Variants in STAG1 observed in about 807,000 individuals in gnomAD.
STAG1 encodes cohesin subunit SA-1.
Under a neutral mutation model 170.9 loss-of-function variants are expected in STAG1, and 26 were observed. The observed-to-expected ratio is 0.15, with a 90% CI of 0.11 to 0.21. STAG1 has a LOEUF of 0.21. Among genes scored for constraint, STAG1 ranks in the 10% least tolerant of loss-of-function variants. The probability of loss-of-function intolerance (pLI) is 1.00; values close to 1 mark genes in which losing one functional copy is unlikely to be tolerated. For missense variants in STAG1, 964 were observed against 1,509.5 expected, an observed-to-expected ratio of 0.64 and a Z score of 5.99; for synonymous variants, 514 against 497.7, an observed-to-expected ratio of 1.03 and a Z score of -0.44.
At chr3:136,555,198 A>C (rs944524135) in intron 5 of STAG1, among the ~76,000 whole-genome samples, 14 of 150,960 alleles carry the variant, frequency 9.3e-5, no homozygotes, top group Non-Finnish European at 2.1e-4. Context: ...TCCTAGAAAA[A>C]TCTGGTTTAT....
intron 20 of STAG1, among the ~76,000 whole-genome samples, chr3:136,420,819 G>C (rs1434550168): frequency 6.6e-6 from 1 of 152,202 alleles, no homozygotes; most frequent in African/African-American, 2.4e-5. Context: ...CTGTTGCCCA[G>C]GCTAGAGTGC....
chr3:136,750,551 A>C lies in STAG1; in HGVS notation c.-84+1644T>G, dbSNP rs530598963. Among the ~76,000 whole-genome samples, 73 of 152,350 alleles carry C rather than the reference A, an allele frequency of 4.8e-4. 1 individual carries two copies. The South Asian group carries it at 0.015, about 30-fold the overall frequency. On this transcript the variant is annotated intron_variant, in intron 1 of 33. Coordinates refer to ENST00000383202, the MANE Select transcript of STAG1 (RefSeq NM_005862.3). Reference sequence around the variant, plus strand: ...TTTTGCATCTATTTAAATATTCCTTAGCCTTATCAGAACATCGAAACTGAA... The same window carrying C: ...TTTTGCATCTATTTAAATATTCCTTCGCCTTATCAGAACATCGAAACTGAA...
At chr3:136,700,191 A>T (rs1321821274) in intron 1 of STAG1, among the ~76,000 whole-genome samples, 1 of 146,578 alleles carries the variant, frequency 6.8e-6, no homozygotes, top group Non-Finnish European at 1.5e-5. Flanking sequence ...TTCTCTATCT[A>T]GGATGCTTTG....
intron 22 of STAG1, among the ~76,000 whole-genome samples, chr3:136,382,403 T>TTC (rs1183344444): frequency 2.1e-5 from 3 of 145,828 alleles, no homozygotes; most frequent in Admixed American, 6.9e-5. Context: ...AAGGCTTTCT[T>TTC]TTTTTTTTTT....
At chr3:136,615,052 A>G (rs1939515469) in intron 3 of STAG1, among the ~76,000 whole-genome samples, 1 of 152,314 alleles carries the variant, frequency 6.6e-6, no homozygotes, top group East Asian at 1.9e-4. Flanking sequence ...GAGAAACATT[A>G]TTTTTAGTAC....
chr3:136,470,910 A>T (rs886719304), intron 12 of STAG1, among the ~76,000 whole-genome samples: 3 of 148,636 alleles, frequency 2.0e-5, no homozygotes, highest in Admixed American at 6.8e-5. Flanking sequence ...GCATGTTCTC[A>T]CTCATAGGTG....
At position 136,340,038 on chromosome 3, in the gene STAG1, G is replaced by T. The variant is rs189480002; in HGVS notation, c.3672+453C>A. Among the ~76,000 whole-genome samples, 21 of 152,292 alleles carry T rather than the reference G, an allele frequency of 1.4e-4. No homozygotes were observed. The East Asian group carries it at 1.9e-3, about 14-fold the overall frequency. ...TATTATCAGAATTTAAAATATGACTGCTTTGAAAGGAGGCTTGAAGAACAC... is the reference window on the plus strand; with the variant it reads ...TATTATCAGAATTTAAAATATGACTTCTTTGAAAGGAGGCTTGAAGAACAC... On this transcript the variant is annotated intron_variant, in intron 32 of 33. Coordinates refer to ENST00000383202, the MANE Select transcript of STAG1 (RefSeq NM_005862.3).
intron 15 of STAG1, among the ~76,000 whole-genome samples, chr3:136,442,654 T>C (rs773957044): frequency 4.8e-5 from 7 of 144,446 alleles, no homozygotes; most frequent in Non-Finnish European, 9.1e-5. Context: ...TTTTCAAAGT[T>C]CACATATAAA....
intron 1 of STAG1, among the ~76,000 whole-genome samples, chr3:136,678,844 T>C (rs540310842): frequency 9.9e-6 from 1 of 101,358 alleles, no homozygotes; most frequent in Non-Finnish European, 1.9e-5. Flanking sequence ...AAGACCCCCA[T>C]GCTCACAAAA....
intron 1 of STAG1, among the ~76,000 whole-genome samples, chr3:136,690,056 C>CAAAAAAAAAAAAAAAAAAAAAAATAAAAA (rs57082567): frequency 1.8e-5 from 1 of 56,408 alleles, no homozygotes; most frequent in African/African-American, 7.7e-5. Context: ...AAAAGCAAAC[C>CAAAAAAAAAAAAAAAAAAAAAAATAAAAA]AAAAAAAAAA....
chr3:136,626,273 A>G (rs1469290058), intron 2 of STAG1, among the ~76,000 whole-genome samples: 3 of 151,964 alleles, frequency 2.0e-5, no homozygotes, highest in Admixed American at 6.6e-5. Context: ...TAAAAATACA[A>G]AAATTATCCA....
chr3:136,478,909 T>C (rs1156749164), intron 9 of STAG1, among the ~76,000 whole-genome samples: 2 of 152,116 alleles, frequency 1.3e-5, no homozygotes, highest in South Asian at 2.1e-4. Context: ...TTTCCCTTTT[T>C]CTTAGGTTTC....
At chr3:136,641,775 TAATAGTATCATATC>T (rs914418953) in intron 1 of STAG1, among the ~76,000 whole-genome samples, 15 of 152,358 alleles carry the variant, frequency 9.8e-5, no homozygotes, top group Non-Finnish European at 1.9e-4. Context: ...ACATTTTAAT[TAATAGTATCATATC>T]AGTGATTTCT....
chr3:136,679,595 G>A (rs1942263965), intron 1 of STAG1, among the ~76,000 whole-genome samples: 1 of 152,142 alleles, frequency 6.6e-6, no homozygotes, highest in Admixed American at 6.5e-5. Context: ...CGGGCGCGGT[G>A]GTGGGCGCCT....
intron 1 of STAG1, among the ~76,000 whole-genome samples, chr3:136,661,349 T>C (rs1442279354): frequency 6.6e-6 from 1 of 152,152 alleles, no homozygotes; most frequent in Non-Finnish European, 1.5e-5. Flanking sequence ...AAATCCAAAA[T>C]TCAAAGTGCT....
At chr3:136,733,656 G>A (rs1184393848) in intron 1 of STAG1, among the ~76,000 whole-genome samples, 1 of 152,218 alleles carries the variant, frequency 6.6e-6, no homozygotes, top group African/African-American at 2.4e-5. Flanking sequence ...TCATGTGACA[G>A]TGCTTCATCT....
rs569062041 is a variant in STAG1, at chr3:136,704,483, C to A, written c.-84+47712G>T. 2.6e-5 allele frequency among the ~76,000 whole-genome samples: 4 copies of A among 151,968 alleles called. No individual in the cohort carries two copies. The South Asian group carries it at 8.3e-4, about 32-fold the overall frequency. ...AACAGTAACCAAAAGAGAGGAAGGG[C>A]AACAAAACTGATAGTAGACAAAGCA... On this transcript the variant is annotated intron_variant, in intron 1 of 33. Transcript: ENST00000383202.
At chr3:136,559,043 C>A (rs184282505) in intron 5 of STAG1, among the ~76,000 whole-genome samples, 191 of 152,084 alleles carry the variant, frequency 1.3e-3, no homozygotes, top group African/African-American at 4.4e-3. Context: ...CAGGTAGAGG[C>A]CAAAGGCACT....
chr3:136,350,891 G>A (rs529115745), intron 28 of STAG1, among the ~76,000 whole-genome samples: 1 of 152,072 alleles, frequency 6.6e-6, no homozygotes, highest in East Asian at 1.9e-4. Context: ...AAATGACAGC[G>A]CAAAACAGCC....
Sources: gnomAD v4.1 joint callset for allele counts (sites outside exome capture counted in the v4.1 genomes callset) on GRCh38, gnomAD v4.1.1 for gene constraint, MANE v1.5 for transcripts, NCBI Gene and HGNC (gene_info 2026-07-23, HGNC 2026-07-21) for gene names.